Variants in KCNG3 observed in about 807,000 individuals in gnomAD.
KCNG3 encodes the protein potassium voltage-gated channel modifier subfamily G member 3.
A neutral mutation model predicts 29.0 loss-of-function variants in KCNG3; 15 were observed. That is an observed-to-expected ratio of 0.52 (90% confidence interval 0.35 to 0.80). The LOEUF (loss-of-function observed/expected upper bound fraction) is 0.80, where lower values mean the gene tolerates loss of function less well. KCNG3 is among the 30% of genes least tolerant of loss of function. KCNG3 has a pLI of 0.01. For synonymous variants in KCNG3, 322 were observed against 248.9 expected, an observed-to-expected ratio of 1.29 and a Z score of -2.76; for missense variants, 512 against 605.7, an observed-to-expected ratio of 0.85 and a Z score of 1.62.
intron 1 of KCNG3, among the ~76,000 whole-genome samples, chr2:42,467,687 G>C (rs1294495501): frequency 7.1e-6 from 1 of 140,932 alleles, no homozygotes; most frequent in African/African-American, 2.6e-5. Flanking sequence ...AAAAAAATTA[G>C]AACCATGTGT....
intron 1 of KCNG3, among the ~76,000 whole-genome samples, chr2:42,490,547 G>C (rs986971613): frequency 3.9e-5 from 6 of 152,146 alleles, no homozygotes; most frequent in African/African-American, 1.4e-4. Flanking sequence ...CTGAACAACG[G>C]AACTCTCAGA....
chr2:42,399,025 GTTCTTTTTTTCTT>G, the KCNG3 span, among the ~76,000 whole-genome samples: 2 of 138,458 alleles, frequency 1.4e-5, no homozygotes, highest in Admixed American at 7.2e-5. Flanking sequence ...ATATTGGGTT[GTTCTTTTTTTCTT>G]TTCTTTTTTT....
the KCNG3 span, among the ~76,000 whole-genome samples, chr2:42,413,300 T>G: frequency 6.6e-6 from 1 of 152,202 alleles, no homozygotes. Context: ...GTGTCCCTCA[T>G]AAATAGTATT....
At chr2:42,441,023 C>G (rs1380715085), downstream of KCNG3, among the ~76,000 whole-genome samples, 2 of 152,048 alleles carry the variant, frequency 1.3e-5, no homozygotes, top group African/African-American at 2.4e-5. Context: ...CATGAAAAGA[C>G]TGAGTTATAA....
At chr2:42,437,660 G>A (rs1049313533), downstream of KCNG3, among the ~76,000 whole-genome samples, 3 of 152,082 alleles carry the variant, frequency 2.0e-5, no homozygotes, top group Admixed American at 6.6e-5. Context: ...TATGTGGGCT[G>A]GGTGTGTTGA....
At chr2:42,466,753 C>CTTT (rs1553329192) in intron 1 of KCNG3, among the ~76,000 whole-genome samples, 2 of 134,262 alleles carry the variant, frequency 1.5e-5, no homozygotes, top group African/African-American at 2.7e-5. Flanking sequence ...AATACTCTTC[C>CTTT]TTTTTTTTTT....
the KCNG3 span, among the ~76,000 whole-genome samples, chr2:42,389,525 A>T: frequency 6.6e-6 from 1 of 152,228 alleles, no homozygotes; most frequent in Non-Finnish European, 1.5e-5. Context: ...CCCAGTAGTA[A>T]CAAATAAAAA....
intron 1 of KCNG3, among the ~76,000 whole-genome samples, chr2:42,472,927 A>T (rs1431930855): frequency 3.6e-5 from 5 of 138,786 alleles, no homozygotes; most frequent in African/African-American, 1.4e-4. Flanking sequence ...TTTGAAACAG[A>T]GTCTCGCTCT....
the KCNG3 span, among the ~76,000 whole-genome samples, chr2:42,401,606 TAATA>T: frequency 6.6e-6 from 1 of 152,040 alleles, no homozygotes; most frequent in African/African-American, 2.4e-5. Context: ...TGCGCCTAAC[TAATA>T]TTTTTAAATT....
chr2:42,439,967 C>T (rs1054010132), downstream of KCNG3, among the ~76,000 whole-genome samples: 1 of 152,078 alleles, frequency 6.6e-6, no homozygotes, highest in Non-Finnish European at 1.5e-5. Context: ...AAAAGAAATC[C>T]TTCATGGCTT....
chr2:42,448,449 G>A (rs1672659920), intron 1 of KCNG3, among the ~76,000 whole-genome samples: 1 of 151,614 alleles, frequency 6.6e-6, no homozygotes, highest in East Asian at 1.9e-4. Context: ...TTGAAATGGT[G>A]GCTTTTATCA....
At chr2:42,469,349 G>A (rs377014012) in intron 1 of KCNG3, among the ~76,000 whole-genome samples, 8 of 151,504 alleles carry the variant, frequency 5.3e-5, no homozygotes, top group East Asian at 3.9e-4. Flanking sequence ...CCCAAGAGGC[G>A]GAGGTTGCAG....
the KCNG3 span, among the ~76,000 whole-genome samples, chr2:42,400,731 T>C: frequency 1.3e-5 from 2 of 152,098 alleles, no homozygotes; most frequent in Admixed American, 6.5e-5. Flanking sequence ...GTCTTGGACC[T>C]GCCGGAGTTT....
At chr2:42,406,560 C>A in the KCNG3 span, among the ~76,000 whole-genome samples, 1 of 150,868 alleles carries the variant, frequency 6.6e-6, no homozygotes, top group Non-Finnish European at 1.5e-5. Flanking sequence ...GGCACAGTGG[C>A]TCACGCCTGT....
At chr2:42,459,132 G>A (rs1320280175) in intron 1 of KCNG3, among the ~76,000 whole-genome samples, 1 of 150,626 alleles carries the variant, frequency 6.6e-6, no homozygotes, top group Non-Finnish European at 1.5e-5. Flanking sequence ...GGATGTGGAG[G>A]TTGCAGTGAG....
At chr2:42,470,474 C>A (rs941046432) in intron 1 of KCNG3, among the ~76,000 whole-genome samples, 1 of 152,038 alleles carries the variant, frequency 6.6e-6, no homozygotes, top group Non-Finnish European at 1.5e-5. Context: ...CCAGCCTGTG[C>A]AACATAGTAA....
rs1328091998 is a variant in KCNG3, at chr2:42,477,382, T to TACAC, written c.665+15454_665+15455insGTGT. On this transcript the variant is annotated intron_variant, in intron 1 of 1. Coordinates refer to ENST00000306078, the MANE Select transcript of KCNG3 (RefSeq NM_133329.6). Reference sequence around the variant, plus strand: ...GTATATACATATATATACACACACATATATATACACACACACACACACACA... The same window carrying TACAC: ...GTATATACATATATATACACACACATACACATATATACACACACACACACACACA... 5.8e-3 allele frequency among the ~76,000 whole-genome samples: 609 copies of TACAC among 105,150 alleles called. 5 individuals are homozygous for TACAC. The highest frequency in any genetic ancestry group is 0.017 in the African/African-American group (365 of 21,158). The allele number at this position is 105,150 out of a possible 152,430, so 69.0% of individuals were successfully genotyped here.
chr2:42,427,676 A>G, the KCNG3 span, among the ~76,000 whole-genome samples: 6 of 152,200 alleles, frequency 3.9e-5, no homozygotes, highest in African/African-American at 7.2e-5. Context: ...TGCATAAGAT[A>G]TTTTTTAGTG....
chr2:42,414,562 TTTTTA>T, the KCNG3 span, among the ~76,000 whole-genome samples: 1 of 152,078 alleles, frequency 6.6e-6, no homozygotes, highest in Non-Finnish European at 1.5e-5. Flanking sequence ...TCTTTTTTTT[TTTTTA>T]TATTTGTGCA....
Sources: allele counts gnomAD v4.1 joint callset (sites outside exome capture counted in the v4.1 genomes callset), GRCh38; gene constraint gnomAD v4.1.1; transcripts MANE v1.5; gene names NCBI Gene and HGNC (gene_info 2026-07-23, HGNC 2026-07-21).